The following MAN1A1 variants were observed in gnomAD, a reference collection of about 807,000 sequenced individuals.
MAN1A1 encodes mannosyl-oligosaccharide 1,2-alpha-mannosidase IA.
In MAN1A1, 29 loss-of-function variants were observed where a neutral mutation model predicts 70.8. The ratio of observed to expected loss-of-function variants is 0.41; its 90% CI spans 0.31 to 0.56. The LOEUF (loss-of-function observed/expected upper bound fraction) is 0.56. Ranked by LOEUF, MAN1A1 falls within the 20% of genes least tolerant of loss-of-function variation. The pLI, the probability that MAN1A1 is intolerant of heterozygous loss-of-function variation, is 0.29. For synonymous variants in MAN1A1, 349 were observed against 330.1 expected (o/e 1.06, Z -0.62); for missense variants, 747 against 841.3 (o/e 0.89, Z 1.39).
chr6:119,250,648 C>CTCTGTGTGTGTGTG lies in MAN1A1; in HGVS notation c.898-2295_898-2294insCACACACACACAGA, dbSNP rs373911155. Among the ~76,000 whole-genome samples, 402 of 148,612 alleles carry CTCTGTGTGTGTGTG rather than the reference C, an allele frequency of 2.7e-3. 7 individuals are homozygous for CTCTGTGTGTGTGTG. The highest frequency in any genetic ancestry group is 0.014 in the East Asian group (70 of 4,998). On this transcript the variant is annotated intron_variant, in intron 5 of 12. Transcript: ENST00000368468. ...CAGACTCCTCTCTCTTGTTCTCTCTCTGTGTGTGTGTGTGTGTGTGTGTGT... is the reference window on the plus strand; with the variant it reads ...CAGACTCCTCTCTCTTGTTCTCTCTCTCTGTGTGTGTGTGTGTGTGTGTGTGTGTGTGTGTGTGT...
Position 119,201,352 on chromosome 6 carries a change from A to C in MAN1A1, c.1117-5T>G. ...TACTGTTCGAATATTCATTACCTATAATAGAAAATAAAATGTTACCGTGAA... is the reference window on the plus strand; with the variant it reads ...TACTGTTCGAATATTCATTACCTATCATAGAAAATAAAATGTTACCGTGAA... On this transcript the variant is annotated splice_polypyrimidine_tract_variant and splice_region_variant and intron_variant, in intron 7 of 12. Coordinates refer to ENST00000368468, the MANE Select transcript of MAN1A1 (RefSeq NM_005907.4). 6.3e-7 allele frequency: 1 copy of C among 1,579,856 alleles called. No individual in the cohort carries two copies. The highest frequency in any genetic ancestry group is 8.7e-7 in the Non-Finnish European group (1 of 1,150,534).
intron 5 of MAN1A1, among the ~76,000 whole-genome samples, chr6:119,251,352 GGCTCCA>G (rs1775312229): frequency 6.6e-6 from 1 of 152,070 alleles, no homozygotes; most frequent in Non-Finnish European, 1.5e-5. Context: ...ATCTGGCTCT[GGCTCCA>G]GCTCCAGCTT....
intron 2 of MAN1A1, among the ~76,000 whole-genome samples, chr6:119,312,727 G>C (rs1336446701): frequency 6.6e-6 from 1 of 152,124 alleles, no homozygotes; most frequent in Non-Finnish European, 1.5e-5. Flanking sequence ...CTACCCCTTA[G>C]TTCTCTCATC....
intron 5 of MAN1A1, among the ~76,000 whole-genome samples, chr6:119,285,223 C>A (rs947224756): frequency 5.3e-5 from 8 of 151,812 alleles, no homozygotes; most frequent in Non-Finnish European, 8.8e-5. Context: ...AGTGATCCCC[C>A]TCCCTCAGTC....
chr6:119,337,262 G>GT, intron 2 of MAN1A1, among the ~76,000 whole-genome samples: 1 of 150,876 alleles, frequency 6.6e-6, no homozygotes, highest in East Asian at 1.9e-4. Context: ...TCTGACTGTT[G>GT]TAAAAAAAAA....
At position 119,189,758 on chromosome 6, in the gene MAN1A1, G is replaced by A. The variant is rs746863250; in HGVS notation, c.1452C>T (p.Leu484=). 14 of 1,614,090 alleles carry A rather than the reference G, an allele frequency of 8.7e-6. No homozygotes were observed. Among genetic ancestry groups the A allele is most frequent in the East Asian group, 2.2e-5 (1 of 44,868 alleles). The change falls in exon 10 of 13, where the codon CTC becomes CTT. Residue 484 remains leucine (L), a synonymous_variant. Coordinates refer to ENST00000368468, the MANE Select transcript of MAN1A1 (RefSeq NM_005907.4). ...LTCFAGGMFA[L]GADAAPEGMA... is the part of the protein sequence containing the mutation. ...TGCCTTCGGGAGCTGCATCAGCCCC[G>A]AGTGCGAACATGCCCCCCGCGAAGC...
In MAN1A1 at chr6:119,348,904, G is replaced by A. The variant is rs771494282; in HGVS notation, c.162C>T (p.Leu54=). Residue 54 remains leucine, a synonymous_variant, in exon 2 of 13, where the codon CTC becomes CTT. Transcript: ENST00000368468. ...GCAGGAAGAAGATCGCCCCGAAGCA[G>A]AGCGTGATGAAGGCGCTGAATACCA... is the stretch of plus-strand genomic sequence containing the variant. ...LLLVFSAFIT[L]CFGAIFFLPD... 6.5e-7 allele frequency: 1 copy of A among 1,537,166 alleles called. No individual in the cohort carries two copies. The highest frequency in any genetic ancestry group is 1.2e-5 in the South Asian group (1 of 82,634).
At chr6:119,309,680 T>A (rs1205759861) in intron 2 of MAN1A1, among the ~76,000 whole-genome samples, 1 of 152,188 alleles carries the variant, frequency 6.6e-6, no homozygotes, top group Non-Finnish European at 1.5e-5. Context: ...AAGCCAAAGA[T>A]GTTTTCTTCC....
intron 6 of MAN1A1, 88 bp from the exon 7 acceptor site, chr6:119,204,970 TAA>T: frequency 7.3e-7 from 1 of 1,376,876 alleles, no homozygotes; most frequent in Non-Finnish European, 9.9e-7. Flanking sequence ...AGACAGCTTT[TAA>T]AAAAAGGCAT....
chr6:119,186,312 CTA>C (rs1773290650), intron 11 of MAN1A1, among the ~76,000 whole-genome samples: 2 of 152,122 alleles, frequency 1.3e-5, no homozygotes, highest in South Asian at 4.2e-4. Flanking sequence ...TTAAGACCCC[CTA>C]TGTTTCAGTT....
chr6:119,179,842 C>T lies in MAN1A1; in HGVS notation c.1939G>A (p.Glu647Lys). 1.2e-6 allele frequency: 2 copies of T among 1,612,756 alleles called. No individual in the cohort carries two copies. The highest frequency in any genetic ancestry group is 1.7e-6 in the Non-Finnish European group (2 of 1,178,894). ...LLPILPKDKKEVEIREE is the reference protein window; with the variant it reads ...LLPILPKDKKKVEIREE ...TTTTATTCCTCTCTGATTTCAACTT[C>T]CTTTTTATCTTTAGGGAGGATAGGG... Residue 647 changes from glutamate to lysine, a missense_variant, in exon 13 of 13, where the codon GAA becomes AAA. Coordinates refer to ENST00000368468, the MANE Select transcript of MAN1A1 (RefSeq NM_005907.4).
intron 3 of MAN1A1, among the ~76,000 whole-genome samples, chr6:119,306,157 A>G (rs1772518512): frequency 1.3e-5 from 2 of 152,202 alleles, no homozygotes; most frequent in Admixed American, 1.3e-4. Context: ...TGAATTCAGA[A>G]GTTCCAGAGT....
At chr6:119,239,678 A>C (rs751076341) in intron 6 of MAN1A1, among the ~76,000 whole-genome samples, 4 of 152,230 alleles carry the variant, frequency 2.6e-5, no homozygotes, top group Non-Finnish European at 5.9e-5. Context: ...AAACTTTACT[A>C]ATTAGATATT....
intron 9 of MAN1A1, among the ~76,000 whole-genome samples, chr6:119,193,180 C>G (rs1773484869): frequency 6.6e-6 from 1 of 152,088 alleles, no homozygotes; most frequent in South Asian, 2.1e-4. Flanking sequence ...AGAAAAAAAC[C>G]CAACTCCACC....
intron 6 of MAN1A1, among the ~76,000 whole-genome samples, chr6:119,243,836 T>C (rs1185003570): frequency 6.6e-6 from 1 of 152,110 alleles, no homozygotes; most frequent in East Asian, 1.9e-4. Flanking sequence ...ATCACCTCAC[T>C]GACTAATGAG....
At chr6:119,237,305 T>C (rs72960629) in intron 6 of MAN1A1, among the ~76,000 whole-genome samples, 15,493 of 152,224 alleles carry the variant, frequency 0.1, 979 homozygotes, top group Non-Finnish European at 0.14. Context: ...GAGTATCACA[T>C]GTTACAGAGA....
At chr6:119,180,474 A>T (rs1027657625) in intron 11 of MAN1A1, 47 bp from the exon 12 acceptor site, 8 of 954,176 alleles carry the variant, frequency 8.4e-6, no homozygotes, top group Non-Finnish European at 1.3e-5. Context: ...CAGTAAACTG[A>T]TTGTCACTAA....
At chr6:119,269,256 T>C (rs2114371529) in intron 5 of MAN1A1, 1 of 281,138 alleles carries the variant, frequency 3.6e-6, no homozygotes, top group South Asian at 3.0e-5. Context: ...TTGGCCTTCT[T>C]CCTCTTCTCC....
At chr6:119,314,527 G>A (rs1658459641) in intron 2 of MAN1A1, among the ~76,000 whole-genome samples, 1 of 152,082 alleles carries the variant, frequency 6.6e-6, no homozygotes. Context: ...TGAAGCTGAG[G>A]CCCAAGGTAG....
Sources: allele counts gnomAD v4.1 joint callset (sites outside exome capture counted in the v4.1 genomes callset), GRCh38; gene constraint gnomAD v4.1.1; transcripts MANE v1.5; gene names NCBI Gene and HGNC (gene_info 2026-07-23, HGNC 2026-07-21).